DPP10: variants seen among roughly 807,000 people sequenced by gnomAD.
DPP10 encodes dipeptidyl peptidase like 10.
A neutral mutation model predicts 120.9 loss-of-function variants in DPP10; 33 were observed. The ratio of observed to expected loss-of-function variants is 0.27; its 90% CI spans 0.21 to 0.37. The LOEUF (loss-of-function observed/expected upper bound fraction) is 0.37. DPP10 is among the 10% of genes least tolerant of loss of function. DPP10 has a pLI of 1.00. For missense variants in DPP10, 816 were observed against 942.8 expected (o/e 0.87, Z 1.76); for synonymous variants, 337 against 326.1 (o/e 1.03, Z -0.36).
chr2:115,302,581 C>T (rs1433531201), intron 1 of DPP10, among the ~76,000 whole-genome samples: 1 of 151,540 alleles, frequency 6.6e-6, no homozygotes, highest in African/African-American at 2.4e-5. Context: ...TGTGCCAGAG[C>T]AGGACCCTAT....
intron 1 of DPP10, among the ~76,000 whole-genome samples, chr2:114,868,537 G>T (rs779947662): frequency 6.6e-6 from 1 of 152,108 alleles, no homozygotes; most frequent in Non-Finnish European, 1.5e-5. Context: ...GGAGTCATGA[G>T]GCCAACTCCA....
chr2:115,727,868 C>A lies in DPP10; in HGVS notation c.629C>A (p.Ser210Ter). Residue 210 changes from serine (S) to a stop codon, truncating the protein, a stop_gained, in exon 8 of 26, where the codon TCA (serine) becomes TAA (stop). Coordinates refer to ENST00000410059, the MANE Select transcript of DPP10 (RefSeq NM_020868.6). LOFTEE classifies it high-confidence loss of function. Reference sequence around the variant, plus strand: ...TATCAACCTGATATAAAGAGCAGTTCATTGCGACTGACATCTTCTGGAAAA... The same window carrying A: ...TATCAACCTGATATAAAGAGCAGTTAATTGCGACTGACATCTTCTGGAAAA... The part of the protein sequence containing the change: ...IYYQPDIKSS[S>*]LRLTSSGKEE... The A allele has an allele frequency of 1.9e-6, 3 of 1,606,516 alleles. No homozygotes were observed. Among genetic ancestry groups the A allele is most frequent in the South Asian group, 2.2e-5 (2 of 89,782 alleles).
intron 1 of DPP10, among the ~76,000 whole-genome samples, chr2:114,995,204 C>T (rs914744374): frequency 1.3e-5 from 2 of 152,116 alleles, no homozygotes; most frequent in African/African-American, 4.8e-5. Context: ...GTCATCTCAG[C>T]CGTGGCCATC....
intron 1 of DPP10, among the ~76,000 whole-genome samples, chr2:115,083,028 A>C (rs1708401142): frequency 6.6e-6 from 1 of 152,242 alleles, no homozygotes; most frequent in Admixed American, 6.5e-5. Context: ...AGTATCTGAC[A>C]GTATTGATTA....
chr2:115,403,543 G>A (rs981981961), intron 3 of DPP10, among the ~76,000 whole-genome samples: 13 of 151,744 alleles, frequency 8.6e-5, no homozygotes, highest in Non-Finnish European at 1.3e-4. Flanking sequence ...GGGACTACAG[G>A]CACCTGCCAT....
intron 1 of DPP10, among the ~76,000 whole-genome samples, chr2:115,248,530 G>A (rs983219337): frequency 6.6e-6 from 1 of 151,986 alleles, no homozygotes; most frequent in Non-Finnish European, 1.5e-5. Context: ...CTGCTGCTAC[G>A]TTAGTTATTA....
intron 1 of DPP10, among the ~76,000 whole-genome samples, chr2:115,160,004 A>C (rs1189670942): frequency 6.6e-6 from 1 of 152,242 alleles, no homozygotes; most frequent in Non-Finnish European, 1.5e-5. Flanking sequence ...AATAATCAAC[A>C]GAAGAGCAAA....
intron 12 of DPP10, 70 bp downstream of exon 12, chr2:115,762,680 A>T: frequency 6.4e-7 from 1 of 1,557,814 alleles, no homozygotes; most frequent in African/African-American, 1.4e-5. Flanking sequence ...TTATGTGATA[A>T]CTTTCTGTAA....
At chr2:115,210,944 A>G (rs2056471513) in intron 1 of DPP10, among the ~76,000 whole-genome samples, 1 of 152,168 alleles carries the variant, frequency 6.6e-6, no homozygotes, top group African/African-American at 2.4e-5. Context: ...ACAGAGAGGA[A>G]GATCAAATAA....
chr2:114,942,871 G>A (rs1316078035), intron 1 of DPP10, among the ~76,000 whole-genome samples: 1 of 152,064 alleles, frequency 6.6e-6, no homozygotes, highest in Non-Finnish European at 1.5e-5. Context: ...AATAATTATT[G>A]TCTTTCACTC....
chr2:114,645,900 T>A (rs1281842654), intron 1 of DPP10, among the ~76,000 whole-genome samples: 1 of 152,124 alleles, frequency 6.6e-6, no homozygotes, highest in Non-Finnish European at 1.5e-5. Flanking sequence ...TAATGGCTCA[T>A]GCCTGTAATC....
At chr2:115,499,631 A>G in intron 4 of DPP10, 27 bp downstream of exon 4, 2 of 1,546,030 alleles carry the variant, frequency 1.3e-6, no homozygotes, top group Non-Finnish European at 1.8e-6. Flanking sequence ...TAATTACTTT[A>G]TGCATTTCAG....
chr2:114,943,576 G>T (rs1303079980), intron 1 of DPP10, among the ~76,000 whole-genome samples: 2 of 151,946 alleles, frequency 1.3e-5, no homozygotes, highest in Admixed American at 6.6e-5. Flanking sequence ...CCGGCCATGT[G>T]CCACATTTTC....
At chr2:114,617,315 G>A (rs1693748579) in intron 1 of DPP10, among the ~76,000 whole-genome samples, 1 of 152,006 alleles carries the variant, frequency 6.6e-6, no homozygotes, top group Admixed American at 6.6e-5. Flanking sequence ...GTAGTTAGTA[G>A]AAAACTGTCC....
intron 1 of DPP10, among the ~76,000 whole-genome samples, chr2:115,288,832 A>G (rs2060516787): frequency 6.6e-6 from 1 of 152,276 alleles, no homozygotes; most frequent in Non-Finnish European, 1.5e-5. Context: ...GGCACAGCCA[A>G]TATAATACTG....
chr2:115,814,244 G>A (rs1686977282), intron 19 of DPP10, among the ~76,000 whole-genome samples: 1 of 151,888 alleles, frequency 6.6e-6, no homozygotes, highest in Non-Finnish European at 1.5e-5. Flanking sequence ...TTTCTTCAGT[G>A]AGAATTCCAC....
At chr2:114,470,572 G>A (rs906656615) in intron 1 of DPP10, among the ~76,000 whole-genome samples, 1 of 152,064 alleles carries the variant, frequency 6.6e-6, no homozygotes, top group African/African-American at 2.4e-5. Context: ...GGGTAATATC[G>A]ACAATCTCAT....
intron 1 of DPP10, among the ~76,000 whole-genome samples, chr2:114,615,696 C>A (rs946851144): frequency 6.6e-6 from 1 of 152,112 alleles, no homozygotes; most frequent in African/African-American, 2.4e-5. Context: ...CCTTTCAATG[C>A]GTTATTCTTT....
chr2:115,177,465 A>G (rs2053769595), intron 1 of DPP10, among the ~76,000 whole-genome samples: 3 of 152,186 alleles, frequency 2.0e-5, no homozygotes, highest in Non-Finnish European at 4.4e-5. Context: ...TAAATAAAAC[A>G]CACAATCTTC....
Sources: gnomAD v4.1 joint callset for allele counts (sites outside exome capture counted in the v4.1 genomes callset) on GRCh38, gnomAD v4.1.1 for gene constraint, MANE v1.5 for transcripts, NCBI Gene and HGNC (gene_info 2026-07-23, HGNC 2026-07-21) for gene names.